The following ACSBG2 variants were observed in gnomAD, a reference collection of about 807,000 sequenced individuals.
The protein encoded by ACSBG2 is acyl-CoA synthetase bubblegum family member 2, also known as long-chain-fatty-acid--CoA ligase ACSBG2.
ACSBG2 carries 62 observed loss-of-function variants against 74.7 expected under a neutral mutation model. That is an observed-to-expected ratio of 0.83 (90% CI 0.68 to 1.03). The LOEUF (loss-of-function observed/expected upper bound fraction) is 1.03. Ranked by LOEUF, ACSBG2 falls within the 50% of genes least tolerant of loss-of-function variation. The pLI is 0.00. For synonymous variants in ACSBG2, 309 were observed against 294.1 expected, an observed-to-expected ratio of 1.05 and a Z score of -0.52; for missense variants, 730 against 817.6, an observed-to-expected ratio of 0.89 and a Z score of 1.31.
chr19:6,152,826 G>T (rs78305737), intron 4 of ACSBG2, among the ~76,000 whole-genome samples: 4,104 of 152,132 alleles, frequency 0.027, 172 homozygotes, highest in African/African-American at 0.095. Context: ...CCTTCTGGAT[G>T]GGATTCTCGG....
intron 8 of ACSBG2, among the ~76,000 whole-genome samples, chr19:6,179,950 A>C (rs1173143499): frequency 6.6e-6 from 1 of 152,132 alleles, no homozygotes; most frequent in Non-Finnish European, 1.5e-5. Context: ...CAGAAGTTTG[A>C]AAATGGTCTC....
chr19:6,159,551 A>T (rs989595589), intron 5 of ACSBG2, among the ~76,000 whole-genome samples: 1 of 152,184 alleles, frequency 6.6e-6, no homozygotes, highest in African/African-American at 2.4e-5. Context: ...ATTGAAGGTG[A>T]AGTCTGTGGA....
chr19:6,173,434 G>A (rs2090013641), intron 7 of ACSBG2, among the ~76,000 whole-genome samples: 1 of 152,178 alleles, frequency 6.6e-6, no homozygotes, highest in Non-Finnish European at 1.5e-5. Context: ...TCTCTAATCA[G>A]CACCGATGGT....
intron 1 of ACSBG2, among the ~76,000 whole-genome samples, chr19:6,136,525 G>C (rs1341769116): frequency 1.3e-5 from 2 of 151,430 alleles, no homozygotes; most frequent in Non-Finnish European, 2.9e-5. Context: ...ACCATGCCCA[G>C]CTAATTTTTG....
At chr19:6,191,647 C>A (rs1380219015) in intron 14 of ACSBG2, 1 of 152,080 alleles carries the variant, frequency 6.6e-6, no homozygotes, top group East Asian at 1.9e-4. Context: ...TAGGGCCCAC[C>A]CTTATGACCT....
intron 14 of ACSBG2, 30 bp downstream of exon 14, chr19:6,190,722 C>A: frequency 6.7e-7 from 1 of 1,492,400 alleles, no homozygotes; most frequent in Non-Finnish European, 9.3e-7. Context: ...CTTTGCTGGG[C>A]TATGCATTCA....
intron 5 of ACSBG2, chr19:6,160,578 A>C (rs1181224124): frequency 6.6e-6 from 1 of 152,222 alleles, no homozygotes; most frequent in African/African-American, 2.4e-5. Context: ...AAGTCCTGGA[A>C]AAGGAAGAGC....
At chr19:6,166,127 C>T (rs537860220) in intron 7 of ACSBG2, 112 bp downstream of exon 7, 1 of 1,355,700 alleles carries the variant, frequency 7.4e-7, no homozygotes, top group South Asian at 1.3e-5. Flanking sequence ...GCTCCTTCAC[C>T]ATTGGGGGTT....
At chr19:6,152,215 C>T (rs950495606) in intron 4 of ACSBG2, among the ~76,000 whole-genome samples, 3 of 151,830 alleles carry the variant, frequency 2.0e-5, no homozygotes, top group Admixed American at 6.6e-5. Flanking sequence ...TGGGCTCATG[C>T]GATCCTCCCA....
At position 6,185,693 on chromosome 19, in the gene ACSBG2, G is replaced by A. The variant is rs79474187; in HGVS notation, c.1540+40G>A. 4.8e-4 allele frequency: 769 copies of A among 1,608,440 alleles called. 4 individuals carry two copies. In the African/African-American group the frequency reaches 9.1e-3, roughly 19 times the overall value. On this transcript the variant is annotated intron_variant, in intron 11 of 14. Transcript: ENST00000588485. ...GCTCTTTGGGAATCTCCTGCAAGCA[G>A]GCCCACCCTGAACATTTAAGGGCCC...
At chr19:6,175,670 G>T (rs913780973) in intron 7 of ACSBG2, among the ~76,000 whole-genome samples, 1 of 152,156 alleles carries the variant, frequency 6.6e-6, no homozygotes, top group Non-Finnish European at 1.5e-5. Context: ...GGTCTGGGTG[G>T]CTGGATTAAT....
chr19:6,137,208 T>TTAG (rs1399546678), intron 1 of ACSBG2: 2 of 1,604 alleles, frequency 1.2e-3, no homozygotes, highest in African/African-American at 4.1e-3. Context: ...GGTGGCGGGG[T>TTAG]TGGGGGGGGG....
chr19:6,163,808 G>A (rs2089711052), intron 6 of ACSBG2, among the ~76,000 whole-genome samples: 1 of 143,212 alleles, frequency 7.0e-6, no homozygotes, highest in South Asian at 2.2e-4. Context: ...AAAACAGCCA[G>A]GCGTGGTGGT....
At chr19:6,179,445 A>G (rs948894921) in intron 8 of ACSBG2, among the ~76,000 whole-genome samples, 1 of 151,860 alleles carries the variant, frequency 6.6e-6, no homozygotes, top group Non-Finnish European at 1.5e-5. Flanking sequence ...AACTACAGGC[A>G]TGTGCCACCA....
rs1226098429 is a variant in ACSBG2 at position 6,180,812 on chromosome 19, T to C, written c.907-1939T>C. 1.3e-5 allele frequency among the ~76,000 whole-genome samples: 2 copies of C among 152,184 alleles called. No individual in the cohort carries two copies. The highest frequency in any genetic ancestry group is 2.4e-5 in the African/African-American group (1 of 41,448). On this transcript the variant is annotated intron_variant, in intron 8 of 14. Coordinates refer to ENST00000588485, the MANE Select transcript of ACSBG2 (RefSeq NM_030924.5). The surrounding 1 kb of genome is among the most constrained non-coding windows in gnomAD (Gnocchi z 4.3). ...CATCTCTTCATGTGTTTATTGACCA[T>C]TTACATATCTTCTTTGGAAAAAGAA...
At chr19:6,156,855 C>G (rs2089442300) in intron 5 of ACSBG2, among the ~76,000 whole-genome samples, 1 of 150,940 alleles carries the variant, frequency 6.6e-6, no homozygotes. Flanking sequence ...GTGATTGTAG[C>G]TCACTGTAGC....
intron 6 of ACSBG2, among the ~76,000 whole-genome samples, chr19:6,162,466 C>G (rs1340707986): frequency 7.1e-6 from 1 of 141,088 alleles, no homozygotes; most frequent in Non-Finnish European, 1.5e-5. Context: ...ACTCGGGAGG[C>G]TGAGACAGGA....
At chr19:6,157,554 C>T (rs558547507) in intron 5 of ACSBG2, among the ~76,000 whole-genome samples, 1 of 152,022 alleles carries the variant, frequency 6.6e-6, no homozygotes, top group Non-Finnish European at 1.5e-5. Context: ...CAGAGAGAGA[C>T]CCTGTCTCAA....
intron 14 of ACSBG2, chr19:6,191,555 TTCTC>T (rs535350797): frequency 2.5e-4 from 38 of 152,366 alleles, no homozygotes; most frequent in African/African-American, 7.5e-4. Flanking sequence ...GATGGCTGTC[TTCTC>T]TCTCTGTCTT....
Sources: gnomAD v4.1 joint callset for allele counts (sites outside exome capture counted in the v4.1 genomes callset) on GRCh38, gnomAD v4.1.1 for gene constraint, Gnocchi (gnomAD v3.1) non-coding constraint, MANE v1.5 for transcripts, NCBI Gene and HGNC (gene_info 2026-07-23, HGNC 2026-07-21) for gene names.